ANO2: variants seen among roughly 807,000 people sequenced by gnomAD.
The protein encoded by ANO2 is anoctamin 2.
ANO2 carries 101 observed loss-of-function variants against 124.2 expected under a neutral mutation model. The ratio of observed to expected loss-of-function variants is 0.81; its 90% confidence interval spans 0.69 to 0.96. ANO2 has a LOEUF of 0.96. ANO2 is among the 40% of genes least tolerant of loss of function. ANO2 has a pLI of 0.00. For missense variants in ANO2, 1,293 were observed against 1,274.5 expected (o/e 1.01, Z -0.22); for synonymous variants, 486 against 482.5 (o/e 1.01, Z -0.09).
At chr12:5,740,114 G>T in intron 12 of ANO2, 1 of 398,628 alleles carries the variant, frequency 2.5e-6, no homozygotes, top group Non-Finnish European at 5.0e-6. Context: ...GGAAGAACCT[G>T]ATACCCCCAC....
intron 14 of ANO2, among the ~76,000 whole-genome samples, chr12:5,684,875 T>C (rs1948642009): frequency 6.6e-6 from 1 of 152,210 alleles, no homozygotes; most frequent in Admixed American, 6.5e-5. Flanking sequence ...TCAGGGGTCC[T>C]GGGTGCAAAT....
At position 5,573,179 on chromosome 12, in the gene ANO2, A is replaced by G. The variant is rs141972854; in HGVS notation, c.2621+2655T>C. Among the ~76,000 whole-genome samples, 5 of 152,290 alleles carry G rather than the reference A, an allele frequency of 3.3e-5. No homozygotes were observed. In the East Asian group the frequency reaches 9.6e-4, roughly 29 times the overall value. ...ATTTGGGCAGACTGGATTGAATGAAAACTTGCCTAAGATTAGATCTACCTT... is the reference window on the plus strand; with the variant it reads ...ATTTGGGCAGACTGGATTGAATGAAGACTTGCCTAAGATTAGATCTACCTT... On this transcript the variant is annotated intron_variant, in intron 23 of 24. Transcript: ENST00000682330.
chr12:5,851,406 G>A (rs567787901), intron 4 of ANO2, among the ~76,000 whole-genome samples: 1 of 152,268 alleles, frequency 6.6e-6, no homozygotes, highest in Non-Finnish European at 1.5e-5. Context: ...AGAGGTGTCT[G>A]GCTGGGTGTG....
rs775642189 is a variant in ANO2 at position 5,647,718 on chromosome 12, G to A, written c.1620+9C>T. ...CAGTCACAGGCAAGTGGTCCCTCAA[G>A]GAAATTACCATGAATAAGATGGAGG... On this transcript the variant is annotated intron_variant, in intron 15 of 24. Transcript: ENST00000682330. 4 of 1,605,794 alleles carry A rather than the reference G, an allele frequency of 2.5e-6. No homozygotes were observed. Among genetic ancestry groups the A allele is most frequent in the African/African-American group, 2.7e-5 (2 of 74,782 alleles).
chr12:5,889,545 A>C (rs1372097338), intron 3 of ANO2, among the ~76,000 whole-genome samples: 1 of 152,156 alleles, frequency 6.6e-6, no homozygotes, highest in African/African-American at 2.4e-5. Flanking sequence ...AATCAGGACA[A>C]CTCCACAAAG....
intron 7 of ANO2, among the ~76,000 whole-genome samples, chr12:5,810,078 A>G (rs1232051487): frequency 2.0e-5 from 3 of 152,154 alleles, no homozygotes; most frequent in African/African-American, 7.2e-5. Flanking sequence ...GACTCAGATA[A>G]CCAGAGCCCC....
intron 19 of ANO2, among the ~76,000 whole-genome samples, chr12:5,611,520 T>G (rs1944547035): frequency 6.6e-6 from 1 of 152,164 alleles, no homozygotes; most frequent in African/African-American, 2.4e-5. Flanking sequence ...TAAACAGTGT[T>G]ATTCCTGGTT....
chr12:5,936,092 T>C (rs1326731969), intron 1 of ANO2, among the ~76,000 whole-genome samples: 1 of 152,250 alleles, frequency 6.6e-6, no homozygotes, highest in African/African-American at 2.4e-5. Context: ...AGGTTCATCT[T>C]TTTATTGTTG....
At chr12:5,910,635 G>C (rs976049890) in intron 3 of ANO2, among the ~76,000 whole-genome samples, 2 of 152,132 alleles carry the variant, frequency 1.3e-5, no homozygotes, top group African/African-American at 4.8e-5. Flanking sequence ...TTCTACCCCT[G>C]AATTCTATCC....
chr12:5,786,213 G>A (rs1005501516), intron 10 of ANO2, among the ~76,000 whole-genome samples: 3 of 152,128 alleles, frequency 2.0e-5, no homozygotes, highest in African/African-American at 7.2e-5. Context: ...CTTTAGGATT[G>A]AGATTCTATC....
chr12:5,580,074 G>A (rs1942655180), intron 20 of ANO2, among the ~76,000 whole-genome samples: 1 of 152,086 alleles, frequency 6.6e-6, no homozygotes, highest in Non-Finnish European at 1.5e-5. Flanking sequence ...TTTGCTGATG[G>A]AAACACAACC....
chr12:5,624,548 C>T (rs1196428211), intron 16 of ANO2, among the ~76,000 whole-genome samples: 2 of 152,170 alleles, frequency 1.3e-5, no homozygotes, highest in African/African-American at 4.8e-5. Context: ...AGTCCATTCT[C>T]AGCCCACCCC....
chr12:5,848,530 C>T (rs1269325531), intron 4 of ANO2, among the ~76,000 whole-genome samples: 4 of 152,210 alleles, frequency 2.6e-5, no homozygotes, highest in African/African-American at 9.7e-5. Context: ...CCACTTGTCA[C>T]GTTTGCTGTC....
At chr12:5,767,909 T>C (rs1386291931) in intron 10 of ANO2, among the ~76,000 whole-genome samples, 1 of 152,184 alleles carries the variant, frequency 6.6e-6, no homozygotes, top group Admixed American at 6.5e-5. Flanking sequence ...GGGGTGTCCC[T>C]TCCTTGTTCC....
chr12:5,921,453 G>A, intron 2 of ANO2, 87 bp from the exon 3 acceptor site: 1 of 1,347,744 alleles, frequency 7.4e-7, no homozygotes, highest in Non-Finnish European at 1.0e-6. Flanking sequence ...CTGGGCTCAG[G>A]GAAACGGACT....
chr12:5,575,152 T>C (rs549029263), intron 23 of ANO2, among the ~76,000 whole-genome samples: 21 of 152,198 alleles, frequency 1.4e-4, no homozygotes, highest in African/African-American at 5.1e-4. Context: ...TCAAGTAATC[T>C]CCCTCTCCTC....
At chr12:5,814,905 T>G (rs1281260123) in intron 7 of ANO2, among the ~76,000 whole-genome samples, 1 of 152,250 alleles carries the variant, frequency 6.6e-6, no homozygotes, top group African/African-American at 2.4e-5. Flanking sequence ...TGCCAGTTAA[T>G]CTCTCTGTTG....
chr12:5,915,248 T>C (rs1358962185), intron 3 of ANO2, among the ~76,000 whole-genome samples: 2 of 152,242 alleles, frequency 1.3e-5, no homozygotes, highest in African/African-American at 2.4e-5. Context: ...ATGTTCATAC[T>C]TGAAAGAAAA....
chr12:5,618,283 G>A (rs575248701), intron 16 of ANO2, among the ~76,000 whole-genome samples: 1 of 152,284 alleles, frequency 6.6e-6, no homozygotes, highest in Admixed American at 6.5e-5. Context: ...CAGAGAGTGG[G>A]AGGAAGCCAT....
Sources: gnomAD v4.1 joint callset for allele counts (sites outside exome capture counted in the v4.1 genomes callset) on GRCh38, gnomAD v4.1.1 for gene constraint, MANE v1.5 for transcripts, NCBI Gene and HGNC (gene_info 2026-07-23, HGNC 2026-07-21) for gene names.